Variants in FBN3 observed in about 807,000 individuals in gnomAD.
FBN3 encodes the protein fibrillin 3.
A neutral mutation model predicts 330.1 loss-of-function variants in FBN3; 234 were observed. The observed-to-expected ratio is 0.71, with a 90% CI of 0.64 to 0.79. The LOEUF is 0.79. FBN3 is among the 30% of genes least tolerant of loss of function. The pLI is 0.00. For missense variants in FBN3, 3,606 were observed against 3,886.9 expected, an observed-to-expected ratio of 0.93 and a Z score of 1.92; for synonymous variants, 1,458 against 1,517.3, an observed-to-expected ratio of 0.96 and a Z score of 0.91.
intron 63 of FBN3, among the ~76,000 whole-genome samples, chr19:8,068,574 T>C (rs986887132): frequency 6.6e-6 from 1 of 151,746 alleles, no homozygotes; most frequent in Non-Finnish European, 1.5e-5. Flanking sequence ...GTGGTACATG[T>C]ACCTGTGGTC....
intron 3 of FBN3, among the ~76,000 whole-genome samples, chr19:8,146,559 G>T (rs571109043): frequency 6.5e-4 from 99 of 152,216 alleles, no homozygotes; most frequent in African/African-American, 2.4e-3. Context: ...CTGGGAAGTG[G>T]AGTCAGATTC....
At position 8,131,415 on chromosome 19, in the gene FBN3, G is replaced by T; in HGVS notation, c.1991-127C>A. ...GGGACTAAGACACAACTCCAACCCC[G>T]GGGAGGGAGCAACTCCCTTCAGCCT... On this transcript the variant is annotated intron_variant, in intron 15 of 63. Coordinates refer to ENST00000600128, the MANE Select transcript of FBN3 (RefSeq NM_032447.5). The surrounding 1 kb of genome is among the most constrained non-coding windows in gnomAD (Gnocchi z 4.5). 7.0e-7 allele frequency: 1 copy of T among 1,434,888 alleles called. No individual in the cohort carries two copies. The highest frequency in any genetic ancestry group is 9.6e-7 in the Non-Finnish European group (1 of 1,040,718). The allele number at this position is 1,434,888 out of a possible 1,614,324, so 88.9% of individuals were successfully genotyped here. A position where few individuals can be genotyped will look rare whatever the true frequency, so the allele number is the denominator to read the frequency against.
chr19:8,079,618 G>A (rs1599277220), intron 59 of FBN3, among the ~76,000 whole-genome samples: 3 of 150,852 alleles, frequency 2.0e-5, no homozygotes, highest in South Asian at 2.1e-4. Flanking sequence ...GTTTGTTTTC[G>A]AGACAGAGTC....
intron 47 of FBN3, among the ~76,000 whole-genome samples, chr19:8,094,002 G>T (rs1474969741): frequency 6.6e-6 from 1 of 152,138 alleles, no homozygotes; most frequent in African/African-American, 2.4e-5. Context: ...GCTCAGCCCA[G>T]GCTGGTCCAG....
intron 25 of FBN3, among the ~76,000 whole-genome samples, chr19:8,120,465 T>C (rs561028067): frequency 1.1e-3 from 165 of 146,598 alleles, no homozygotes; most frequent in African/African-American, 3.6e-3. Flanking sequence ...CCACCATGCC[T>C]GGCTTTTTCC....
rs1377779868 is a variant in FBN3, at chr19:8,065,606, A to G, written c.*313T>C. On this transcript the variant is annotated 3_prime_UTR_variant, in exon 64 of 64. Transcript: ENST00000600128. ...CCGCCAGGGCAAGCCACAGTGCAGT[A>G]CAGAAGTGAAAGCCTGAGATTGGCC... 3 of 384,822 alleles carry G rather than the reference A, an allele frequency of 7.8e-6. No individual in the cohort carries two copies. Among genetic ancestry groups the G allele is most frequent in the Non-Finnish European group, 1.4e-5 (3 of 214,194 alleles). The allele number at this position is 384,822 out of a possible 1,614,324, so 23.8% of individuals were successfully genotyped here.
In FBN3 at chr19:8,095,362, T is replaced by C; in HGVS notation, c.5785+13A>G. On this transcript the variant is annotated intron_variant, in intron 46 of 63. Coordinates refer to ENST00000600128, the MANE Select transcript of FBN3 (RefSeq NM_032447.5). ...CTGGCTGAGATGCCTCCGAGCACCA[T>C]AGGCAGACTCACCCACACAGTTCTT... The C allele has an allele frequency of 1.2e-6, 2 of 1,611,324 alleles. No individual in the cohort carries two copies. The highest frequency in any genetic ancestry group is 2.2e-5 in the East Asian group (1 of 44,830).
chr19:8,091,369 A>T, intron 48 of FBN3, 96 bp downstream of exon 48: 1 of 1,489,614 alleles, frequency 6.7e-7, no homozygotes, highest in Non-Finnish European at 9.1e-7. Context: ...GAGCTCCCAA[A>T]GGGTCACACA....
intron 59 of FBN3, 74 bp downstream of exon 59, chr19:8,080,929 T>A: frequency 4.4e-6 from 5 of 1,127,548 alleles, no homozygotes; most frequent in Non-Finnish European, 6.6e-6. Flanking sequence ...GCCAACTTGA[T>A]ATTTTTTTGG....
In FBN3 at chr19:8,117,254, G is replaced by C. The variant is rs144359235; in HGVS notation, c.3501C>G (p.Asp1167Glu). The C allele has an allele frequency of 2.5e-6, 4 of 1,613,290 alleles. No homozygotes were observed. In the African/African-American group the frequency reaches 5.3e-5, roughly 22 times the overall value. Reference protein sequence around the residue: ...NECRVQNGGCDVHCINTEGSY... With the variant: ...NECRVQNGGCEVHCINTEGSY... ...TGCCCTCAGTGTTAATACAGTGCAC[G>C]TCACACCCACCATTCTGGACCCGGC... The change falls in exon 28 of 64, where the codon GAC becomes GAG. Residue 1167 changes from aspartate to glutamate, a missense_variant. Coordinates refer to ENST00000600128, the MANE Select transcript of FBN3 (RefSeq NM_032447.5).
chr19:8,138,015 G>A, intron 10 of FBN3, 126 bp downstream of exon 10: 6 of 1,094,636 alleles, frequency 5.5e-6, no homozygotes, highest in Admixed American at 3.0e-5. Context: ...CAGGCCAGGA[G>A]TTCCCCCTCC....
chr19:8,110,256 G>A (rs1013027288), intron 34 of FBN3, among the ~76,000 whole-genome samples: 2 of 151,974 alleles, frequency 1.3e-5, no homozygotes, highest in African/African-American at 4.8e-5. Flanking sequence ...ATGAGGTCTC[G>A]CTATGTTGCT....
At chr19:8,132,262 G>A (rs1251563310) in intron 14 of FBN3, among the ~76,000 whole-genome samples, 1 of 152,164 alleles carries the variant, frequency 6.6e-6, no homozygotes, top group East Asian at 1.9e-4. Context: ...TGCCCAGGCT[G>A]GTCTCAAACT....
At chr19:8,127,499 G>A (rs1006023724) in intron 18 of FBN3, among the ~76,000 whole-genome samples, 5 of 152,102 alleles carry the variant, frequency 3.3e-5, no homozygotes, top group Admixed American at 1.3e-4. Flanking sequence ...CAATTCTGAC[G>A]CTTTCTGCCT....
rs2144723468 is a variant in FBN3, at chr19:8,095,252, T to A, written c.5785+123A>T. ...TCCCAAAGTGCTGGGTATTTTTTTT[T>A]TTAAATCTTAAAATAAATGCTTGGG... On this transcript the variant is annotated intron_variant, in intron 46 of 63. Coordinates refer to ENST00000600128, the MANE Select transcript of FBN3 (RefSeq NM_032447.5). 8 of 1,132,824 alleles carry A rather than the reference T, an allele frequency of 7.1e-6. No individual in the cohort carries two copies. The South Asian group carries it at 1.4e-4, about 20-fold the overall frequency. The allele number at this position is 1,132,824 out of a possible 1,614,324, so 70.2% of individuals were successfully genotyped here. A position where few individuals can be genotyped will look rare whatever the true frequency, so the allele number is the denominator to read the frequency against.
chr19:8,073,314 G>A lies in FBN3; in HGVS notation c.7703-17C>T, dbSNP rs761561403. Reference sequence around the variant, plus strand: ...CATTCTCATCTGTGGGAGGAAAGGAGGAGGAGAGGGAGGACGCAGAGGTGG... The same window carrying A: ...CATTCTCATCTGTGGGAGGAAAGGAAGAGGAGAGGGAGGACGCAGAGGTGG... On this transcript the variant is annotated splice_polypyrimidine_tract_variant and intron_variant, in intron 61 of 63. Coordinates refer to ENST00000600128, the MANE Select transcript of FBN3 (RefSeq NM_032447.5). The A allele has an allele frequency of 6.2e-7, 1 of 1,600,178 alleles. No individual in the cohort carries two copies. Among genetic ancestry groups the A allele is most frequent in the South Asian group, 1.1e-5 (1 of 90,332 alleles).
intron 29 of FBN3, among the ~76,000 whole-genome samples, chr19:8,116,418 A>T (rs1009072984): frequency 3.9e-5 from 6 of 152,240 alleles, no homozygotes; most frequent in Non-Finnish European, 8.8e-5. Context: ...AATGCCATTT[A>T]AAAGAGCAAG....
Position 8,136,425 on chromosome 19 carries a change from G to C in FBN3, c.1308C>G (p.Asn436Lys), listed in dbSNP as rs773770058. 6.2e-7 allele frequency: 1 copy of C among 1,614,176 alleles called. No individual in the cohort carries two copies. Residue 436 changes from asparagine (N) to lysine (K), a missense_variant, in exon 11 of 64, where the codon AAC becomes AAG. By Grantham distance (94) the Asn-to-Lys change is moderately conservative (BLOSUM62 0). Transcript: ENST00000600128. ...PTPSSYRCECNVGYTQDVRGE... is the reference protein window; with the variant it reads ...PTPSSYRCECKVGYTQDVRGE... ...CGCGCACGTCCTGGGTGTAGCCCAC[G>C]TTACACTCGCAGCGGTAGCTGGAAG... is the stretch of plus-strand genomic sequence containing the variant.
At chr19:8,083,458 G>A (rs1186886951) in intron 56 of FBN3, 86 bp from the exon 57 acceptor site, 15 of 1,516,370 alleles carry the variant, frequency 9.9e-6, no homozygotes, top group Middle Eastern at 1.7e-4. Flanking sequence ...CCCAGCAGCC[G>A]TCTCCTCGGA....
Sources: gnomAD v4.1 joint callset for allele counts (sites outside exome capture counted in the v4.1 genomes callset) on GRCh38, gnomAD v4.1.1 for gene constraint, Gnocchi (gnomAD v3.1) non-coding constraint, MANE v1.5 for transcripts, NCBI Gene and HGNC (gene_info 2026-07-23, HGNC 2026-07-21) for gene names.